CBLC: variants seen among roughly 807,000 people sequenced by gnomAD.
CBLC encodes the protein Cbl proto-oncogene C, also known as E3 ubiquitin-protein ligase CBL-C.
In CBLC, 46 loss-of-function variants were observed where a neutral mutation model predicts 58.6. The ratio of observed to expected loss-of-function variants is 0.79; its 90% confidence interval spans 0.62 to 1.00. The LOEUF is 1.00. CBLC is among the 50% of genes least tolerant of loss of function. The pLI is 0.00. For missense variants in CBLC, 655 were observed against 625.8 expected (o/e 1.05, Z -0.50); for synonymous variants, 271 against 264.2 (o/e 1.03, Z -0.25).
intron 9 of CBLC, among the ~76,000 whole-genome samples, chr19:44,796,123 G>A (rs937978490): frequency 6.6e-6 from 1 of 152,104 alleles, no homozygotes; most frequent in Non-Finnish European, 1.5e-5. Flanking sequence ...ACTGTGGCAG[G>A]AGAATCGCTT....
intron 3 of CBLC, among the ~76,000 whole-genome samples, chr19:44,782,157 G>A (rs1967765812): frequency 6.6e-6 from 1 of 151,618 alleles, no homozygotes; most frequent in African/African-American, 2.4e-5. Context: ...GGAGGGCTGG[G>A]GGCCTGGACT....
intron 10 of CBLC, 50 bp from the exon 11 acceptor site, chr19:44,800,501 C>T: frequency 8.3e-7 from 1 of 1,208,696 alleles, no homozygotes; most frequent in South Asian, 1.2e-5. Context: ...ACTCCACCCT[C>T]CTCCACCTGG....
At chr19:44,797,540 G>A (rs893733643) in intron 9 of CBLC, among the ~76,000 whole-genome samples, 28 of 150,294 alleles carry the variant, frequency 1.9e-4, no homozygotes, top group East Asian at 7.8e-4. Flanking sequence ...AGTGGGCCCC[G>A]CCTGTCATAA....
At chr19:44,787,835 A>T (rs868081029) in intron 5 of CBLC, among the ~76,000 whole-genome samples, 23 of 151,064 alleles carry the variant, frequency 1.5e-4, no homozygotes, top group Middle Eastern at 3.4e-3. Flanking sequence ...AAAAAAAAAA[A>T]TTTATTCGCC....
intron 5 of CBLC, among the ~76,000 whole-genome samples, chr19:44,784,865 C>T (rs559320214): frequency 6.7e-6 from 1 of 148,294 alleles, no homozygotes; most frequent in East Asian, 2.0e-4. Flanking sequence ...CGTGCCCAGC[C>T]AGCTTTTGTT....
At chr19:44,796,076 G>A (rs939970646) in intron 9 of CBLC, among the ~76,000 whole-genome samples, 15 of 152,086 alleles carry the variant, frequency 9.9e-5, no homozygotes, top group Non-Finnish European at 1.8e-4. Flanking sequence ...TTAGCTGGGC[G>A]TGGTGGCGCA....
rs112123644 is a variant in CBLC at position 44,779,696 on chromosome 19, C to T, written c.354-1209C>T. ...CCTCCCATGTAGCTGGGACCACAGG[C>T]GTGCACCACCATGCCAGACTAATCT... is the stretch of plus-strand genomic sequence containing the variant. On this transcript the variant is annotated intron_variant, in intron 1 of 10. Transcript: ENST00000647358. Among the ~76,000 whole-genome samples the T allele has an allele frequency of 0.023, 3,422 of 151,944 alleles. 217 individuals carry two copies. The East Asian group carries it at 0.26, about 11-fold the overall frequency.
At chr19:44,794,302 A>AGGTTGGG in intron 9 of CBLC, 21 bp downstream of exon 9, 1 of 1,609,960 alleles carries the variant, frequency 6.2e-7, no homozygotes, top group Non-Finnish European at 8.5e-7. Context: ...CGCTGGTCTG[A>AGGTTGGG]GGTTGGGGGC....
intron 9 of CBLC, among the ~76,000 whole-genome samples, chr19:44,798,939 C>T (rs948683171): frequency 5.9e-5 from 9 of 152,136 alleles, no homozygotes; most frequent in Admixed American, 1.3e-4. Context: ...TCCACTCACT[C>T]GGAGCCTCTG....
chr19:44,798,731 C>T (rs1003063628), intron 9 of CBLC, among the ~76,000 whole-genome samples: 9 of 151,918 alleles, frequency 5.9e-5, no homozygotes, highest in Admixed American at 1.3e-4. Context: ...GCAAAAACTC[C>T]GTCTCAAAAA....
At chr19:44,787,000 G>A (rs1263337963) in intron 5 of CBLC, among the ~76,000 whole-genome samples, 1 of 152,024 alleles carries the variant, frequency 6.6e-6, no homozygotes, top group Non-Finnish European at 1.5e-5. Context: ...GACGAGAATT[G>A]CTTGAACCCG....
chr19:44,792,574 C>T, intron 7 of CBLC, 60 bp downstream of exon 7: 3 of 1,458,038 alleles, frequency 2.1e-6, no homozygotes, highest in Non-Finnish European at 9.1e-7. Flanking sequence ...AGGGAAAGCC[C>T]CAAAAGGATC....
At chr19:44,800,250 G>T (rs983026382) in intron 9 of CBLC, 131 bp from the exon 10 acceptor site, 10 of 649,176 alleles carry the variant, frequency 1.5e-5, no homozygotes, top group African/African-American at 3.6e-5. Context: ...CCTCAGCCGC[G>T]CAGGAAGCCA....
chr19:44,791,306 G>A (rs60786730), intron 6 of CBLC, among the ~76,000 whole-genome samples: 22 of 127,560 alleles, frequency 1.7e-4, no homozygotes, highest in Admixed American at 1.5e-4. Flanking sequence ...GCTCTGTCCC[G>A]CAAAAAAAAA....
chr19:44,800,505 C>T, intron 10 of CBLC, 46 bp from the exon 11 acceptor site: 1 of 1,158,530 alleles, frequency 8.6e-7, no homozygotes, highest in Non-Finnish European at 1.3e-6. Context: ...CACCCTCCTC[C>T]ACCTGGAGGT....
intron 9 of CBLC, 50 bp from the exon 10 acceptor site, chr19:44,800,331 A>G (rs927041508): frequency 2.0e-5 from 26 of 1,283,180 alleles, no homozygotes; most frequent in Non-Finnish European, 2.8e-5. Context: ...GGCAGAGGGA[A>G]AGATTGGATG....
At chr19:44,789,862 A>G (rs1380464332) in intron 5 of CBLC, 142 bp from the exon 6 acceptor site, 4 of 663,772 alleles carry the variant, frequency 6.0e-6, no homozygotes, top group East Asian at 5.3e-5. Flanking sequence ...TGGAGGGAAA[A>G]TAAGCCCAGG....
At chr19:44,790,499 G>A (rs567485122) in intron 6 of CBLC, among the ~76,000 whole-genome samples, 6 of 152,074 alleles carry the variant, frequency 3.9e-5, no homozygotes, top group Admixed American at 1.3e-4. Flanking sequence ...GCAGTGGTGC[G>A]ATCATGGCTC....
chr19:44,792,307 T>C, intron 6 of CBLC, 76 bp from the exon 7 acceptor site: 1 of 1,562,074 alleles, frequency 6.4e-7, no homozygotes, highest in South Asian at 1.1e-5. Flanking sequence ...TTTGGGATTT[T>C]CTTCCTGTGG....
Sources: allele counts gnomAD v4.1 joint callset (sites outside exome capture counted in the v4.1 genomes callset), GRCh38; gene constraint gnomAD v4.1.1; transcripts MANE v1.5; gene names NCBI Gene and HGNC (gene_info 2026-07-23, HGNC 2026-07-21).